Variants in SLC35F3 observed in about 807,000 individuals in gnomAD.
SLC35F3 encodes the protein solute carrier family 35 member F3.
A neutral mutation model predicts 49.9 loss-of-function variants in SLC35F3; 25 were observed. The observed-to-expected ratio is 0.50, with a 90% CI of 0.37 to 0.70. The LOEUF (loss-of-function observed/expected upper bound fraction) is 0.70, where lower values mean the gene tolerates loss of function less well. Ranked by LOEUF, SLC35F3 falls within the 30% of genes least tolerant of loss-of-function variation. The pLI, the probability that SLC35F3 is intolerant of heterozygous loss-of-function variation, is 0.00. For missense variants in SLC35F3, 525 were observed against 639.8 expected (o/e 0.82, Z 1.94); for synonymous variants, 275 against 265.4 (o/e 1.04, Z -0.35).
chr1:233,936,626 A>T lies in SLC35F3; in HGVS notation c.283+30868A>T, dbSNP rs532159179. ...TCTTCTTCCTCTCCTCCTCCTCCTC[A>T]TTCTTCTTCTTCTTCCTCTTCTCCT... On this transcript the variant is annotated intron_variant, in intron 2 of 7. Coordinates refer to ENST00000366618, the MANE Select transcript of SLC35F3 (RefSeq NM_173508.4). 9.6e-5 allele frequency among the ~76,000 whole-genome samples: 13 copies of T among 134,788 alleles called. No homozygotes were observed. In the East Asian group the frequency reaches 2.2e-3, roughly 22 times the overall value. 88.4% of individuals were successfully genotyped at this position (134,788 alleles called of 152,430 possible). A position where few individuals can be genotyped will look rare whatever the true frequency, so the allele number is the denominator to read the frequency against.
chr1:234,253,587 C>A (rs1287891154), intron 3 of SLC35F3, among the ~76,000 whole-genome samples: 2 of 151,906 alleles, frequency 1.3e-5, no homozygotes, highest in Non-Finnish European at 2.9e-5. Context: ...TGGTTAAATG[C>A]ATTATGTTGT....
chr1:234,010,242 A>G (rs1277510929), intron 2 of SLC35F3, among the ~76,000 whole-genome samples: 1 of 152,222 alleles, frequency 6.6e-6, no homozygotes, highest in African/African-American at 2.4e-5. Context: ...CTAAAAGTAG[A>G]GAGTTGTTGT....
chr1:234,029,535 A>G (rs546700259), intron 2 of SLC35F3, among the ~76,000 whole-genome samples: 1 of 152,298 alleles, frequency 6.6e-6, no homozygotes, highest in South Asian at 2.1e-4. Context: ...CCAGAAAGCT[A>G]GATGTGGTTT....
At chr1:234,237,354 GACT>G (rs1191212207) in intron 3 of SLC35F3, among the ~76,000 whole-genome samples, 1 of 152,110 alleles carries the variant, frequency 6.6e-6, no homozygotes, top group Non-Finnish European at 1.5e-5. Context: ...AACTTTTTGA[GACT>G]ACATCACACT....
At chr1:234,177,727 T>C (rs1002670552) in intron 2 of SLC35F3, among the ~76,000 whole-genome samples, 6 of 152,130 alleles carry the variant, frequency 3.9e-5, no homozygotes, top group Non-Finnish European at 8.8e-5. Context: ...ATCAGGTGAG[T>C]TGCTGAACTC....
intron 2 of SLC35F3, among the ~76,000 whole-genome samples, chr1:234,188,730 A>G (rs547081919): frequency 6.6e-6 from 1 of 152,302 alleles, no homozygotes; most frequent in East Asian, 1.9e-4. Flanking sequence ...ACCTCCTGGC[A>G]GGAGGGCAAC....
intron 2 of SLC35F3, among the ~76,000 whole-genome samples, chr1:234,062,078 C>T (rs1223544095): frequency 6.6e-6 from 1 of 152,164 alleles, no homozygotes; most frequent in Non-Finnish European, 1.5e-5. Flanking sequence ...CCTAAAACCC[C>T]ACTGTAGAGA....
Position 234,214,127 on chromosome 1 carries a change from G to C in SLC35F3, c.284-17290G>C. ...CAGGACCTGGCTGGGAGGAAGACAG[G>C]GATGAGGGCTGCGGGGCTGGGCGTC... is the stretch of plus-strand genomic sequence containing the variant. On this transcript the variant is annotated intron_variant, in intron 2 of 7. Transcript: ENST00000366618. This position sits in a 1 kb window ranked among gnomAD's most constrained non-coding sequence, Gnocchi z 8.0. The C allele has an allele frequency of 9.7e-7, 1 of 1,031,284 alleles. No homozygotes were observed. Among genetic ancestry groups the C allele is most frequent in the Non-Finnish European group, 1.2e-6 (1 of 857,528 alleles). 63.9% of individuals were successfully genotyped at this position (1,031,284 alleles called of 1,614,324 possible).
intron 4 of SLC35F3, among the ~76,000 whole-genome samples, chr1:234,315,279 C>T (rs1011682815): frequency 6.6e-6 from 1 of 152,192 alleles, no homozygotes; most frequent in Non-Finnish European, 1.5e-5. Flanking sequence ...AAGAGAAGTA[C>T]GTAACTCAGA....
intron 2 of SLC35F3, among the ~76,000 whole-genome samples, chr1:234,209,404 C>T (rs1338900389): frequency 1.3e-5 from 2 of 151,982 alleles, no homozygotes; most frequent in East Asian, 3.9e-4. Context: ...TGTTGGAATT[C>T]TCAAAACAGT....
Position 234,273,444 on chromosome 1 carries a change from CT to C in SLC35F3, c.609-35656del, listed in dbSNP as rs1668143134. Among the ~76,000 whole-genome samples the C allele has an allele frequency of 3.3e-5, 5 of 152,326 alleles. No individual in the cohort carries two copies. In the South Asian group the frequency reaches 8.3e-4, roughly 25 times the overall value. ...AATTCCAGCAGTCTGTCCTGCCCCC[CT>C]ATCTGGAGTAGCCAAGAACTTAGGT... On this transcript the variant is annotated intron_variant, in intron 3 of 7. Transcript: ENST00000366618.
In SLC35F3 at chr1:234,027,236, C is replaced by A; in HGVS notation, c.283+121478C>A. ...CGCTTGATGGCCTGCATCTGGGCTG[C>A]TCACTGGGCCACAGAGGGCAGTGGC... is the stretch of plus-strand genomic sequence containing the variant. On this transcript the variant is annotated intron_variant, in intron 2 of 7. Transcript: ENST00000366618. The surrounding 1 kb of genome is among the most constrained non-coding windows in gnomAD (Gnocchi z 4.1). The A allele has an allele frequency of 6.4e-6, 1 of 156,016 alleles. No homozygotes were observed. Among genetic ancestry groups the A allele is most frequent in the Non-Finnish European group, 1.5e-5 (1 of 68,746 alleles). The allele number at this position is 156,016 out of a possible 1,614,324, so 9.7% of individuals were successfully genotyped here.
intron 3 of SLC35F3, chr1:234,285,339 AG>A (rs1159806839): frequency 1.9e-5 from 9 of 484,686 alleles, no homozygotes; most frequent in South Asian, 1.2e-4. Flanking sequence ...ATACATCCGC[AG>A]GGTTCAGATG....
At chr1:234,278,169 G>A (rs1237359143) in intron 3 of SLC35F3, among the ~76,000 whole-genome samples, 2 of 151,890 alleles carry the variant, frequency 1.3e-5, no homozygotes, top group Non-Finnish European at 2.9e-5. Flanking sequence ...CTCCAGTCTG[G>A]GCAATAAAGC....
intron 2 of SLC35F3, among the ~76,000 whole-genome samples, chr1:233,921,320 T>G (rs1662054500): frequency 6.6e-6 from 1 of 152,038 alleles, no homozygotes; most frequent in Non-Finnish European, 1.5e-5. Flanking sequence ...ACATGCACAG[T>G]CTCCCCCATC....
intron 2 of SLC35F3, among the ~76,000 whole-genome samples, chr1:234,122,092 A>G (rs148591624): frequency 1.3e-3 from 200 of 152,356 alleles, no homozygotes; most frequent in African/African-American, 4.6e-3. Context: ...CAGCAATGGG[A>G]TCGCTGGGTC....
intron 3 of SLC35F3, among the ~76,000 whole-genome samples, chr1:234,244,233 A>T (rs1667597006): frequency 6.6e-6 from 1 of 152,148 alleles, no homozygotes; most frequent in South Asian, 2.1e-4. Context: ...TTTTATTCTG[A>T]ATATAATAAA....
At chr1:234,111,322 G>A (rs34466933) in intron 2 of SLC35F3, among the ~76,000 whole-genome samples, 21,151 of 151,922 alleles carry the variant, frequency 0.14, 3,207 homozygotes, top group East Asian at 0.81. Context: ...ACGGAGTTTC[G>A]CTCTTTTTGC....
At chr1:234,137,141 C>T (rs1458590) in intron 2 of SLC35F3, among the ~76,000 whole-genome samples, 3 of 152,052 alleles carry the variant, frequency 2.0e-5, no homozygotes, top group African/African-American at 7.3e-5. Flanking sequence ...TGCATGCACA[C>T]GTACCTGTCA....
Sources: allele counts gnomAD v4.1 joint callset (sites outside exome capture counted in the v4.1 genomes callset), GRCh38; gene constraint gnomAD v4.1.1; non-coding constraint Gnocchi (gnomAD v3.1); transcripts MANE v1.5; gene names NCBI Gene and HGNC (gene_info 2026-07-23, HGNC 2026-07-21).